The following SIPA1L2 variants were observed in gnomAD, a reference collection of about 807,000 sequenced individuals.
SIPA1L2 encodes the protein signal-induced proliferation-associated 1-like protein 2.
SIPA1L2 carries 56 observed loss-of-function variants against 163.9 expected under a neutral mutation model. That is an observed-to-expected ratio of 0.34 (90% confidence interval 0.28 to 0.43). The LOEUF is 0.43. SIPA1L2 is among the 20% of genes least tolerant of loss of function. The probability of loss-of-function intolerance (pLI) is 1.00; values close to 1 mark genes in which losing one functional copy is unlikely to be tolerated. For synonymous variants in SIPA1L2, 877 were observed against 865.7 expected (o/e 1.01, Z -0.23); for missense variants, 1,974 against 2,193.5 (o/e 0.90, Z 2.00).
chr1:232,541,935 ATCTCTC>A (rs59407464), intron 2 of SIPA1L2, among the ~76,000 whole-genome samples: 44 of 148,206 alleles, frequency 3.0e-4, no homozygotes, highest in Non-Finnish European at 2.5e-4. Flanking sequence ...TGAGCCTTAA[ATCTCTC>A]TCTCTCTCTC....
chr1:232,534,017 G>A (rs1407290829), intron 2 of SIPA1L2, among the ~76,000 whole-genome samples: 1 of 151,884 alleles, frequency 6.6e-6, no homozygotes, highest in East Asian at 1.9e-4. Context: ...ATAAGGTTTT[G>A]TTGAAATAGA....
chr1:232,594,320 CA>C (rs990090486), intron 1 of SIPA1L2, among the ~76,000 whole-genome samples: 4 of 152,104 alleles, frequency 2.6e-5, no homozygotes, highest in Non-Finnish European at 5.9e-5. Context: ...GGGGAAAAAG[CA>C]AGGAATAAAA....
chr1:232,429,873 G>GA (rs551322635), intron 16 of SIPA1L2, among the ~76,000 whole-genome samples: 195 of 152,264 alleles, frequency 1.3e-3, no homozygotes, highest in Middle Eastern at 6.8e-3. Context: ...AAGATGCGGG[G>GA]AAAAATCCCA....
rs1357683078 is a variant in SIPA1L2, at chr1:232,439,244, C to T, written c.3895G>A (p.Asp1299Asn). The change falls in exon 15 of 23, where the codon GAT becomes AAT. Residue 1299 changes from aspartate (D) to asparagine (N), a missense_variant. Around this residue, in one of 3 missense-constraint regions of SIPA1L2, gnomAD observed 1,079 missense variants for 1,150.7 expected, o/e 0.94. Transcript: ENST00000674635. ...TCAGGCCCAGAGACGTCGGCAGCAT[C>T]AGCCCACTGCTCGGCCCGGCTGTGG... The part of the protein sequence containing the change: ...LIHSRAEQWA[D>N]AADVSGPDDE... 1.9e-6 allele frequency: 3 copies of T among 1,614,038 alleles called. No individual in the cohort carries two copies. Among genetic ancestry groups the T allele is most frequent in the Non-Finnish European group, 2.5e-6 (3 of 1,180,042 alleles).
At position 232,542,809 on chromosome 1, in the gene SIPA1L2, C is replaced by T. The variant is rs534288902; in HGVS notation, c.-269-27201G>A. Among the ~76,000 whole-genome samples, 6 of 152,310 alleles carry T rather than the reference C, an allele frequency of 3.9e-5. No homozygotes were observed. The East Asian group carries it at 1.2e-3, about 29-fold the overall frequency. On this transcript the variant is annotated intron_variant, in intron 2 of 22. Transcript: ENST00000674635. ...GGGTCTTCCCACTTTGTCTCCAAGGCCCAGCTGAGCCCTGTGAGGAACTGC... is the reference window on the plus strand; with the variant it reads ...GGGTCTTCCCACTTTGTCTCCAAGGTCCAGCTGAGCCCTGTGAGGAACTGC...
chr1:232,459,146 C>CT (rs1365396437), intron 10 of SIPA1L2, among the ~76,000 whole-genome samples: 1 of 152,146 alleles, frequency 6.6e-6, no homozygotes, highest in Non-Finnish European at 1.5e-5. Context: ...GTGTAAGTGG[C>CT]TTTTTTTCCT....
At chr1:232,427,219 GT>G (rs1469522723) in intron 17 of SIPA1L2, among the ~76,000 whole-genome samples, 2 of 152,172 alleles carry the variant, frequency 1.3e-5, no homozygotes, top group Non-Finnish European at 1.5e-5. Context: ...CTTGATGTAA[GT>G]TTTTTAAAAA....
chr1:232,593,410 T>C lies in SIPA1L2; in HGVS notation c.-318-19188A>G, dbSNP rs76308421. On this transcript the variant is annotated intron_variant, in intron 1 of 22. Coordinates refer to ENST00000674635, the MANE Select transcript of SIPA1L2 (RefSeq NM_020808.5). ...CAGCTTCTGCACTGACACCTTTTTCTAGATGTTCCTGAACATAAGCAGGAT... is the reference window on the plus strand; with the variant it reads ...CAGCTTCTGCACTGACACCTTTTTCCAGATGTTCCTGAACATAAGCAGGAT... Among the ~76,000 whole-genome samples, 1,296 of 152,262 alleles carry C rather than the reference T, an allele frequency of 8.5e-3. 19 individuals carry two copies. Among genetic ancestry groups the C allele is most frequent in the African/African-American group, 0.03 (1,236 of 41,536 alleles).
chr1:232,592,164 T>C (rs966298164), intron 1 of SIPA1L2, among the ~76,000 whole-genome samples: 1 of 152,172 alleles, frequency 6.6e-6, no homozygotes, highest in Non-Finnish European at 1.5e-5. Flanking sequence ...TATCAATTCT[T>C]ACACACACAC....
At chr1:232,547,126 G>A (rs1017206009) in intron 2 of SIPA1L2, among the ~76,000 whole-genome samples, 3 of 152,156 alleles carry the variant, frequency 2.0e-5, no homozygotes, top group African/African-American at 7.2e-5. Context: ...CAGAGGGTGG[G>A]AGAAAACTTT....
chr1:232,559,825 TAAATA>T (rs932292864), intron 2 of SIPA1L2, among the ~76,000 whole-genome samples: 1 of 152,234 alleles, frequency 6.6e-6, no homozygotes, highest in Non-Finnish European at 1.5e-5. Context: ...TGTATTACTT[TAAATA>T]AATAAATTGC....
intron 1 of SIPA1L2, among the ~76,000 whole-genome samples, chr1:232,597,546 C>T (rs533465866): frequency 3.5e-4 from 53 of 150,764 alleles, no homozygotes; most frequent in African/African-American, 7.3e-4. Flanking sequence ...AAAAATTAGC[C>T]GGGCGTGATG....
intron 8 of SIPA1L2, among the ~76,000 whole-genome samples, chr1:232,470,537 G>A (rs4649266): frequency 0.063 from 9,594 of 152,208 alleles, 558 homozygotes; most frequent in Admixed American, 0.18. Context: ...AGGAATAGTC[G>A]TGTCTCTGAA....
intron 18 of SIPA1L2, among the ~76,000 whole-genome samples, chr1:232,422,465 G>A: frequency 6.6e-6 from 1 of 152,314 alleles, no homozygotes; most frequent in South Asian, 2.1e-4. Context: ...TGTAGAAAAG[G>A]TGCAGAGATT....
At chr1:232,613,960 T>G (rs867030221) in intron 1 of SIPA1L2, among the ~76,000 whole-genome samples, 1 of 152,140 alleles carries the variant, frequency 6.6e-6, no homozygotes, top group African/African-American at 2.4e-5. Flanking sequence ...CAGGAGGGCA[T>G]TGTGCAGAAA....
chr1:232,626,099 T>C (rs910712794), intron 1 of SIPA1L2, among the ~76,000 whole-genome samples: 3 of 152,168 alleles, frequency 2.0e-5, no homozygotes, highest in African/African-American at 7.2e-5. Flanking sequence ...CCCCACCTTT[T>C]CTCTTTTTTG....
At chr1:232,627,518 C>G (rs1360734) in intron 1 of SIPA1L2, among the ~76,000 whole-genome samples, 29,500 of 151,198 alleles carry the variant, frequency 0.2, 3,254 homozygotes, top group African/African-American at 0.3. Context: ...CCCAGTCTTG[C>G]GGGGTGAGGG....
chr1:232,611,166 CTGCCTTT>C (rs1218431417), intron 1 of SIPA1L2, among the ~76,000 whole-genome samples: 1 of 152,182 alleles, frequency 6.6e-6, no homozygotes, highest in Non-Finnish European at 1.5e-5. Context: ...CATGTAAGAA[CTGCCTTT>C]TGCCTCCCGC....
At chr1:232,460,642 G>A (rs964119121) in intron 10 of SIPA1L2, among the ~76,000 whole-genome samples, 1 of 152,126 alleles carries the variant, frequency 6.6e-6, no homozygotes, top group South Asian at 2.1e-4. Flanking sequence ...CTTTAATGTA[G>A]TCAATGTTCC....
Sources: allele counts gnomAD v4.1 joint callset (sites outside exome capture counted in the v4.1 genomes callset), GRCh38; gene constraint gnomAD v4.1.1; regional missense constraint gnomAD v4.1.1; transcripts MANE v1.5; gene names NCBI Gene and HGNC (gene_info 2026-07-23, HGNC 2026-07-21).